CACNG5: variants seen among roughly 807,000 people sequenced by gnomAD.
The protein encoded by CACNG5 is voltage-dependent calcium channel gamma-5 subunit.
A neutral mutation model predicts 24.8 loss-of-function variants in CACNG5; 18 were observed. The observed-to-expected ratio is 0.73, with a 90% CI of 0.50 to 1.08. The LOEUF (loss-of-function observed/expected upper bound fraction) is 1.08, where lower values mean the gene tolerates loss of function less well. Among genes scored for constraint, CACNG5 ranks in the 50% least tolerant of loss-of-function variants. CACNG5 has a pLI of 0.00. For synonymous variants in CACNG5, 157 were observed against 149.1 expected (o/e 1.05, Z -0.39); for missense variants, 349 against 367.9 (o/e 0.95, Z 0.42).
chr17:66,854,081 G>A (rs1349297983), intron 1 of CACNG5, among the ~76,000 whole-genome samples: 1 of 152,066 alleles, frequency 6.6e-6, no homozygotes, highest in African/African-American at 2.4e-5. Context: ...ATCAATAATA[G>A]TACAATACAT....
chr17:66,850,787 C>T (rs748180601), intron 1 of CACNG5, among the ~76,000 whole-genome samples: 1 of 152,118 alleles, frequency 6.6e-6, no homozygotes, highest in Non-Finnish European at 1.5e-5. Flanking sequence ...AAAATATGTA[C>T]TGAATTTGAG....
At chr17:66,845,504 T>G (rs186056101) in intron 1 of CACNG5, among the ~76,000 whole-genome samples, 1 of 150,524 alleles carries the variant, frequency 6.6e-6, no homozygotes, top group Non-Finnish European at 1.5e-5. Context: ...AGGAACCAGG[T>G]GACGGAATGG....
At chr17:66,858,818 A>G (rs1273065204) in intron 1 of CACNG5, among the ~76,000 whole-genome samples, 1 of 152,124 alleles carries the variant, frequency 6.6e-6, no homozygotes, top group Non-Finnish European at 1.5e-5. Flanking sequence ...CACTCTTTAA[A>G]GTGACTCTTG....
intron 1 of CACNG5, among the ~76,000 whole-genome samples, chr17:66,875,883 T>C (rs1436564369): frequency 6.6e-6 from 1 of 152,184 alleles, no homozygotes; most frequent in Non-Finnish European, 1.5e-5. Context: ...CAGGCCTCAT[T>C]CTCTTCTAGA....
At chr17:66,877,594 C>A in intron 2 of CACNG5, 66 bp downstream of exon 2, 3 of 1,380,862 alleles carry the variant, frequency 2.2e-6, no homozygotes, top group African/African-American at 1.4e-5. Flanking sequence ...AGGTCCCTCC[C>A]TGGGAAGAGA....
rs1446109139 is a variant in CACNG5, at chr17:66,888,834, G to T, written c.*3594G>T. On this transcript the variant is annotated 3_prime_UTR_variant, in exon 6 of 6. Transcript: ENST00000533854. ...TGGAGGGAAGGTTATCTCGGGGCTGGCATGTCTCTGGTTGGGGAAGAGTTT... is the reference window on the plus strand; with the variant it reads ...TGGAGGGAAGGTTATCTCGGGGCTGTCATGTCTCTGGTTGGGGAAGAGTTT... Among the ~76,000 whole-genome samples, 2 of 152,144 alleles carry T rather than the reference G, an allele frequency of 1.3e-5. No homozygotes were observed. The highest frequency in any genetic ancestry group is 2.9e-5 in the Non-Finnish European group (2 of 68,038).
Position 66,887,956 on chromosome 17 carries a change from T to C in CACNG5, c.*2716T>C, listed in dbSNP as rs916281296. On this transcript the variant is annotated 3_prime_UTR_variant, in exon 6 of 6. Coordinates refer to ENST00000533854, the MANE Select transcript of CACNG5 (RefSeq NM_145811.3). ...AGCCTCTCCTCAATCAGGAGACTTT[T>C]ACCAAACGTTAACATGTACAAACTC... Among the ~76,000 whole-genome samples, 1 of 152,182 alleles carries C rather than the reference T, an allele frequency of 6.6e-6. No homozygotes were observed. The highest frequency in any genetic ancestry group is 2.4e-5 in the African/African-American group (1 of 41,450).
chr17:66,883,646 T>C (rs1457920080), intron 4 of CACNG5, among the ~76,000 whole-genome samples: 1 of 152,082 alleles, frequency 6.6e-6, no homozygotes, highest in Non-Finnish European at 1.5e-5. Flanking sequence ...CAAAATCCCT[T>C]TACCTCCCCT....
chr17:66,868,579 G>A (rs910162909), intron 1 of CACNG5, among the ~76,000 whole-genome samples: 3 of 152,146 alleles, frequency 2.0e-5, no homozygotes, highest in Admixed American at 6.5e-5. Context: ...GCAGCTTCAT[G>A]ACCACTTGTT....
chr17:66,874,852 C>G (rs770999095), intron 1 of CACNG5, among the ~76,000 whole-genome samples: 5 of 152,222 alleles, frequency 3.3e-5, no homozygotes, highest in Non-Finnish European at 7.3e-5. Context: ...CACTGCTCCC[C>G]TTACTCCTGC....
At chr17:66,841,448 A>T (rs1350145597) in intron 1 of CACNG5, among the ~76,000 whole-genome samples, 1 of 152,196 alleles carries the variant, frequency 6.6e-6, no homozygotes, top group South Asian at 2.1e-4. Context: ...ATCCAGGAGA[A>T]CATCCTCAAA....
intron 1 of CACNG5, among the ~76,000 whole-genome samples, chr17:66,852,008 G>A (rs7217285): frequency 0.11 from 17,321 of 152,210 alleles, 1,181 homozygotes; most frequent in African/African-American, 0.18. Context: ...GAGTTGGATC[G>A]AGTAGGAAAG....
intron 1 of CACNG5, among the ~76,000 whole-genome samples, chr17:66,845,929 A>T (rs910637896): frequency 6.6e-6 from 1 of 152,082 alleles, no homozygotes; most frequent in Non-Finnish European, 1.5e-5. Flanking sequence ...CAGTTGTAAG[A>T]CCTTAAGGAC....
At chr17:66,841,705 C>T (rs34914741) in intron 1 of CACNG5, among the ~76,000 whole-genome samples, 8,152 of 152,252 alleles carry the variant, frequency 0.054, 336 homozygotes, top group Middle Eastern at 0.085. Context: ...TGACTCAGTG[C>T]GTGAGCTTAG....
chr17:66,840,263 G>A (rs189605386), intron 1 of CACNG5, among the ~76,000 whole-genome samples: 10 of 152,262 alleles, frequency 6.6e-5, no homozygotes, highest in Admixed American at 3.9e-4. Flanking sequence ...TCTATTCACC[G>A]AGCTGCAGCA....
chr17:66,845,295 G>A (rs1465532923), intron 1 of CACNG5, among the ~76,000 whole-genome samples: 6 of 152,136 alleles, frequency 3.9e-5, no homozygotes, highest in African/African-American at 7.2e-5. Flanking sequence ...CCTGTTAGGG[G>A]GGTGGTGGGC....
At chr17:66,838,827 A>G (rs1976520394) in intron 1 of CACNG5, among the ~76,000 whole-genome samples, 1 of 151,890 alleles carries the variant, frequency 6.6e-6, no homozygotes, top group Non-Finnish European at 1.5e-5. Context: ...CGACTGGAGT[A>G]TTATTGGCAT....
At chr17:66,867,405 T>C (rs1976945360) in intron 1 of CACNG5, among the ~76,000 whole-genome samples, 1 of 152,362 alleles carries the variant, frequency 6.6e-6, no homozygotes, top group Non-Finnish European at 1.5e-5. Flanking sequence ...AAAAACTTTC[T>C]CCCATTCTGT....
At chr17:66,879,766 C>T (rs1399103146) in intron 3 of CACNG5, among the ~76,000 whole-genome samples, 1 of 152,118 alleles carries the variant, frequency 6.6e-6, no homozygotes, top group African/African-American at 2.4e-5. Context: ...CCAGGAAGCT[C>T]AACTGAGCTT....
Sources: allele counts gnomAD v4.1 joint callset (sites outside exome capture counted in the v4.1 genomes callset), GRCh38; gene constraint gnomAD v4.1.1; transcripts MANE v1.5; gene names NCBI Gene and HGNC (gene_info 2026-07-23, HGNC 2026-07-21).